The following CTNNA2 variants were observed in gnomAD, a reference collection of about 807,000 sequenced individuals.
CTNNA2 encodes catenin alpha 2, also known as catenin alpha-2.
CTNNA2 carries 42 observed loss-of-function variants against 101.0 expected under a neutral mutation model. That is an observed-to-expected ratio of 0.42 (90% CI 0.32 to 0.54). The LOEUF (loss-of-function observed/expected upper bound fraction) is 0.54, where lower values mean the gene tolerates loss of function less well. Ranked by LOEUF, CTNNA2 falls within the 20% of genes least tolerant of loss-of-function variation. The pLI, the probability that CTNNA2 is intolerant of heterozygous loss-of-function variation, is 0.14. For missense variants in CTNNA2, 871 were observed against 1,223.1 expected, an observed-to-expected ratio of 0.71 and a Z score of 4.29; for synonymous variants, 450 against 456.4, an observed-to-expected ratio of 0.99 and a Z score of 0.18.
chr2:79,253,842 A>G (rs1286538799), intron 2 of CTNNA2, among the ~76,000 whole-genome samples: 3 of 152,214 alleles, frequency 2.0e-5, no homozygotes, highest in African/African-American at 7.2e-5. Flanking sequence ...AGAGTTTATG[A>G]CTGGAGCCAA....
At chr2:80,370,832 G>A (rs1406939910) in intron 7 of CTNNA2, among the ~76,000 whole-genome samples, 1 of 152,124 alleles carries the variant, frequency 6.6e-6, no homozygotes, top group Non-Finnish European at 1.5e-5. Flanking sequence ...ATTAGTAACA[G>A]AAAAGCATAC....
intron 2 of CTNNA2, among the ~76,000 whole-genome samples, chr2:79,202,146 C>T (rs182744664): frequency 3.5e-3 from 532 of 152,224 alleles, no homozygotes; most frequent in Non-Finnish European, 5.7e-3. Context: ...GAAGCAATGA[C>T]ACATGCATTT....
chr2:79,770,306 T>C (rs1673482063), intron 3 of CTNNA2, among the ~76,000 whole-genome samples: 1 of 152,218 alleles, frequency 6.6e-6, no homozygotes, highest in Admixed American at 6.5e-5. Flanking sequence ...TTGTGCTATG[T>C]GTATATTATT....
intron 9 of CTNNA2, among the ~76,000 whole-genome samples, chr2:80,522,996 T>C (rs1296751647): frequency 1.3e-5 from 2 of 152,118 alleles, no homozygotes; most frequent in African/African-American, 4.8e-5. Flanking sequence ...ACTGCTCAAT[T>C]GGAGCTATCA....
intron 8 of CTNNA2, 67 bp from the exon 9 acceptor site, chr2:80,419,382 G>GA (rs1210507239): frequency 5.5e-5 from 73 of 1,336,340 alleles, no homozygotes; most frequent in African/African-American, 1.0e-4. Context: ...AAACAGTTTA[G>GA]AAAAAAAATG....
intron 1 of CTNNA2, among the ~76,000 whole-genome samples, chr2:79,591,136 A>C: frequency 6.6e-6 from 1 of 152,352 alleles, no homozygotes; most frequent in Middle Eastern, 3.4e-3. Flanking sequence ...TATTTATAAG[A>C]AGCAAATTAC....
At chr2:79,588,000 G>C (rs975609495) in intron 1 of CTNNA2, among the ~76,000 whole-genome samples, 6 of 152,150 alleles carry the variant, frequency 3.9e-5, no homozygotes, top group Non-Finnish European at 1.5e-5. Flanking sequence ...GCCCTTCAAA[G>C]TAAATAAAGT....
chr2:80,208,920 G>A (rs572537391), intron 7 of CTNNA2, among the ~76,000 whole-genome samples: 23 of 152,212 alleles, frequency 1.5e-4, no homozygotes, highest in African/African-American at 5.5e-4. Flanking sequence ...GACTTTTATG[G>A]GGGAAAACTT....
chr2:79,570,252 C>T (rs1212667871), intron 1 of CTNNA2, among the ~76,000 whole-genome samples: 1 of 152,142 alleles, frequency 6.6e-6, no homozygotes, highest in Non-Finnish European at 1.5e-5. Flanking sequence ...TTTTATTCCT[C>T]TTGCAGCCAG....
chr2:80,575,757 C>G (rs1346934019), intron 13 of CTNNA2, among the ~76,000 whole-genome samples: 1 of 152,032 alleles, frequency 6.6e-6, no homozygotes, highest in East Asian at 1.9e-4. Context: ...CATTCACTTA[C>G]TAATTCATGA....
At chr2:79,874,657 C>A (rs111833237) in intron 6 of CTNNA2, among the ~76,000 whole-genome samples, 14,845 of 152,058 alleles carry the variant, frequency 0.098, 890 homozygotes, top group East Asian at 0.21. Context: ...AAATGTAAAA[C>A]ATTAGCTGGG....
At chr2:79,404,134 G>C (rs1678316652) in intron 4 of CTNNA2, among the ~76,000 whole-genome samples, 1 of 123,976 alleles carries the variant, frequency 8.1e-6, no homozygotes, top group African/African-American at 2.6e-5. Context: ...CCTGATTTCT[G>C]AATAAATGTA....
chr2:79,742,329 T>A (rs1671344297), intron 2 of CTNNA2, among the ~76,000 whole-genome samples: 1 of 151,362 alleles, frequency 6.6e-6, no homozygotes, highest in African/African-American at 2.4e-5. Flanking sequence ...TCCACCCTAT[T>A]TTTTTTTAAT....
chr2:80,620,677 C>T (rs1671032548), intron 18 of CTNNA2, among the ~76,000 whole-genome samples: 1 of 151,868 alleles, frequency 6.6e-6, no homozygotes, highest in South Asian at 2.1e-4. Context: ...TCTGACCTAC[C>T]TTCCATTAAA....
intron 9 of CTNNA2, among the ~76,000 whole-genome samples, chr2:80,490,923 G>A: frequency 6.6e-6 from 1 of 152,174 alleles, no homozygotes; most frequent in Non-Finnish European, 1.5e-5. Context: ...ATTAAAGATA[G>A]AGGAGAAAGA....
rs146837346 is a variant in CTNNA2 at position 80,005,391 on chromosome 2, TCTC to T, written c.1056+95597_1056+95599del. On this transcript the variant is annotated intron_variant, in intron 7 of 18. Coordinates refer to ENST00000402739, the MANE Select transcript of CTNNA2 (RefSeq NM_001282597.3). ...AGGCTTTCAAATCTCTTGTTTACCA[TCTC>T]CTACCATGAGTTCCTATCACAAAAG... Among the ~76,000 whole-genome samples, 324 of 152,274 alleles carry T rather than the reference TCTC, an allele frequency of 2.1e-3. 2 individuals carry two copies. Among genetic ancestry groups the T allele is most frequent in the African/African-American group, 7.2e-3 (298 of 41,558 alleles).
chr2:80,232,341 G>GTTGTTTTTTTTTT (rs1709276642), intron 7 of CTNNA2, among the ~76,000 whole-genome samples: 1 of 82,052 alleles, frequency 1.2e-5, no homozygotes, highest in African/African-American at 3.3e-5. Context: ...TTGTTTGTTT[G>GTTGTTTTTTTTTT]TTTGTTTTTT....
chr2:80,071,645 A>G (rs1196610435), intron 7 of CTNNA2, among the ~76,000 whole-genome samples: 1 of 152,176 alleles, frequency 6.6e-6, no homozygotes, highest in Admixed American at 6.5e-5. Flanking sequence ...CTTACATCCA[A>G]TAAATCTGAG....
chr2:79,664,203 A>G (rs190235275), intron 2 of CTNNA2, among the ~76,000 whole-genome samples: 1 of 152,342 alleles, frequency 6.6e-6, no homozygotes, highest in Non-Finnish European at 1.5e-5. Context: ...ATGTGTCCAC[A>G]TAGACAAAAT....
Sources: allele counts gnomAD v4.1 joint callset (sites outside exome capture counted in the v4.1 genomes callset), GRCh38; gene constraint gnomAD v4.1.1; transcripts MANE v1.5; gene names NCBI Gene and HGNC (gene_info 2026-07-23, HGNC 2026-07-21).